The following CADPS2 variants were observed in gnomAD, a reference collection of about 807,000 sequenced individuals.
CADPS2 encodes calcium-dependent secretion activator 2.
In CADPS2, 93 loss-of-function variants were observed where a neutral mutation model predicts 172.5. The observed-to-expected ratio is 0.54, with a 90% CI of 0.46 to 0.64. The LOEUF (loss-of-function observed/expected upper bound fraction) is 0.64, where lower values mean the gene tolerates loss of function less well. CADPS2 is among the 30% of genes least tolerant of loss of function. CADPS2 has a pLI of 0.00. For missense variants in CADPS2, 1,420 were observed against 1,565.9 expected, an observed-to-expected ratio of 0.91 and a Z score of 1.57; for synonymous variants, 546 against 555.2, an observed-to-expected ratio of 0.98 and a Z score of 0.23.
intron 1 of CADPS2, among the ~76,000 whole-genome samples, chr7:122,864,493 AC>A (rs745509787): frequency 7.9e-4 from 120 of 152,232 alleles, no homozygotes; most frequent in East Asian, 2.5e-3. Context: ...AAACAAAAAA[AC>A]AAACCAAAAA....
chr7:122,759,454 T>C (rs181825335), intron 1 of CADPS2, among the ~76,000 whole-genome samples: 1 of 152,086 alleles, frequency 6.6e-6, no homozygotes, highest in Non-Finnish European at 1.5e-5. Context: ...AAAGTACAAA[T>C]AGAAAACAAT....
chr7:122,806,041 T>C (rs899422748), intron 1 of CADPS2, among the ~76,000 whole-genome samples: 3 of 152,254 alleles, frequency 2.0e-5, no homozygotes, highest in Admixed American at 6.5e-5. Flanking sequence ...CTTTGTTTTA[T>C]GATCATTTCT....
At chr7:122,492,030 G>A (rs7805408) in intron 9 of CADPS2, among the ~76,000 whole-genome samples, 3,225 of 152,080 alleles carry the variant, frequency 0.021, 118 homozygotes, top group African/African-American at 0.074. Context: ...AAATTAGCCA[G>A]GCGTGGTGGC....
intron 3 of CADPS2, among the ~76,000 whole-genome samples, chr7:122,639,909 G>A (rs1440294999): frequency 6.6e-6 from 1 of 152,136 alleles, no homozygotes; most frequent in Non-Finnish European, 1.5e-5. Flanking sequence ...TCTAGTCTCT[G>A]ATCTTCCAAG....
chr7:122,341,238 C>T (rs2036740979), intron 28 of CADPS2, among the ~76,000 whole-genome samples: 1 of 152,222 alleles, frequency 6.6e-6, no homozygotes, highest in Non-Finnish European at 1.5e-5. Flanking sequence ...TATTAATCTA[C>T]TGCACATGCT....
chr7:122,836,857 T>C (rs1167653094), intron 1 of CADPS2, among the ~76,000 whole-genome samples: 3 of 152,040 alleles, frequency 2.0e-5, no homozygotes, highest in South Asian at 4.2e-4. Flanking sequence ...CTGTCAACAT[T>C]AGACAGATCA....
At chr7:122,361,555 A>T (rs1005781057) in intron 25 of CADPS2, among the ~76,000 whole-genome samples, 2 of 152,154 alleles carry the variant, frequency 1.3e-5, no homozygotes, top group Admixed American at 6.5e-5. Flanking sequence ...TTTTAAAAAA[A>T]TAAAAGATAA....
At chr7:122,803,862 T>C (rs1260186713) in intron 1 of CADPS2, among the ~76,000 whole-genome samples, 1 of 151,800 alleles carries the variant, frequency 6.6e-6, no homozygotes, top group African/African-American at 2.4e-5. Flanking sequence ...ACACATCTTA[T>C]ATTCAAATTT....
intron 20 of CADPS2, among the ~76,000 whole-genome samples, chr7:122,397,424 G>C (rs1282720500): frequency 8.0e-6 from 1 of 124,928 alleles, no homozygotes; most frequent in Non-Finnish European, 1.6e-5. Context: ...AGAAATGGGG[G>C]AGACAAAGAG....
At chr7:122,711,183 G>A (rs937287095) in intron 2 of CADPS2, among the ~76,000 whole-genome samples, 6 of 152,064 alleles carry the variant, frequency 3.9e-5, no homozygotes, top group Admixed American at 6.6e-5. Flanking sequence ...CTCTCCAAAA[G>A]TCGAGAATAA....
chr7:122,862,391 GGAAAGAAGA>G (rs1236930648), intron 1 of CADPS2, among the ~76,000 whole-genome samples: 1 of 152,118 alleles, frequency 6.6e-6, no homozygotes, highest in African/African-American at 2.4e-5. Context: ...CATAATCCAA[GGAAAGAAGA>G]GAAAGAAGAC....
intron 14 of CADPS2, among the ~76,000 whole-genome samples, chr7:122,460,373 T>C (rs1004726140): frequency 6.6e-6 from 1 of 151,738 alleles, no homozygotes; most frequent in Non-Finnish European, 1.5e-5. Flanking sequence ...TACAGCTGCA[T>C]CCAAGGGAAT....
At chr7:122,750,314 G>T (rs60519662) in intron 1 of CADPS2, among the ~76,000 whole-genome samples, 1 of 151,950 alleles carries the variant, frequency 6.6e-6, no homozygotes, top group Non-Finnish European at 1.5e-5. Context: ...TAAATTTTTA[G>T]TATAAATATG....
chr7:122,544,541 G>A (rs192981537), intron 8 of CADPS2, among the ~76,000 whole-genome samples: 2 of 152,240 alleles, frequency 1.3e-5, no homozygotes, highest in African/African-American at 4.8e-5. Flanking sequence ...TCAGTTTCAC[G>A]CTGGCTAGCT....
At chr7:122,734,356 TAAAAAAAAAAAAAAA>T (rs558421546) in intron 2 of CADPS2, among the ~76,000 whole-genome samples, 7 of 46,294 alleles carry the variant, frequency 1.5e-4, no homozygotes, top group Non-Finnish European at 2.6e-4. Context: ...CCAGAAATAG[TAAAAAAAAAAAAAAA>T]AAAAAAAAAA....
chr7:122,508,311 G>GTTTT (rs1368540525), intron 9 of CADPS2, among the ~76,000 whole-genome samples: 1 of 151,506 alleles, frequency 6.6e-6, no homozygotes, highest in African/African-American at 2.4e-5. Context: ...TGATGGCATT[G>GTTTT]TTTTTTTCTC....
At chr7:122,681,189 T>C in intron 2 of CADPS2, 1 of 593,362 alleles carries the variant, frequency 1.7e-6, no homozygotes, top group Middle Eastern at 4.6e-4. Context: ...GATGACAAGT[T>C]AGTGGGTGCA....
intron 9 of CADPS2, among the ~76,000 whole-genome samples, chr7:122,508,209 C>A: frequency 6.6e-6 from 1 of 151,866 alleles, no homozygotes. Context: ...AAAATGTAAA[C>A]TTTTGTGGAT....
chr7:122,651,281 CAGT>C (rs1009805047), intron 3 of CADPS2, among the ~76,000 whole-genome samples: 1 of 147,154 alleles, frequency 6.8e-6, no homozygotes, highest in Non-Finnish European at 1.5e-5. Context: ...AAAAAGAAGA[CAGT>C]GGTGGAAGTC....
Sources: gnomAD v4.1 joint callset for allele counts (sites outside exome capture counted in the v4.1 genomes callset) on GRCh38, gnomAD v4.1.1 for gene constraint, MANE v1.5 for transcripts, NCBI Gene and HGNC (gene_info 2026-07-23, HGNC 2026-07-21) for gene names.